The following CDH18 variants were observed in gnomAD, a reference collection of about 807,000 sequenced individuals.
The protein encoded by CDH18 is cadherin-18.
A neutral mutation model predicts 67.9 loss-of-function variants in CDH18; 31 were observed. The observed-to-expected ratio is 0.46, with a 90% CI of 0.34 to 0.62. The LOEUF is 0.62. CDH18 is among the 20% of genes least tolerant of loss of function. The pLI is 0.01. For synonymous variants in CDH18, 362 were observed against 347.2 expected, an observed-to-expected ratio of 1.04 and a Z score of -0.48; for missense variants, 890 against 975.5, an observed-to-expected ratio of 0.91 and a Z score of 1.17.
chr5:20,285,208 A>G (rs1746593804), intron 1 of CDH18, among the ~76,000 whole-genome samples: 1 of 151,232 alleles, frequency 6.6e-6, no homozygotes, highest in Admixed American at 6.6e-5. Context: ...TTGCAATTAT[A>G]CTCTTTTTCA....
At chr5:20,238,942 C>CTTTTGATAGATACATGCT (rs1156362456) in intron 2 of CDH18, among the ~76,000 whole-genome samples, 24 of 152,170 alleles carry the variant, frequency 1.6e-4, no homozygotes, top group African/African-American at 5.8e-4. Context: ...AATCTGTAAG[C>CTTTTGATAGATACATGCT]AACTCAAATA....
At chr5:20,435,732 G>GT (rs1486435867) in intron 1 of CDH18, among the ~76,000 whole-genome samples, 11 of 151,896 alleles carry the variant, frequency 7.2e-5, no homozygotes, top group Admixed American at 7.2e-4. Context: ...CACCAGGAGT[G>GT]TAAGTCCAGA....
chr5:20,480,509 C>A (rs143916918), intron 1 of CDH18, among the ~76,000 whole-genome samples: 2 of 152,166 alleles, frequency 1.3e-5, no homozygotes, highest in African/African-American at 4.8e-5. Flanking sequence ...CCTGTGCCTC[C>A]CAGGTTCAAG....
intron 1 of CDH18, among the ~76,000 whole-genome samples, chr5:20,386,322 C>A (rs957840278): frequency 2.0e-5 from 3 of 152,162 alleles, no homozygotes; most frequent in South Asian, 2.1e-4. Context: ...ATTGGTAAAT[C>A]TCTCCAAATT....
At chr5:20,127,901 T>C (rs13182778) in intron 2 of CDH18, among the ~76,000 whole-genome samples, 57,037 of 152,020 alleles carry the variant, frequency 0.38, 12,859 homozygotes, top group Middle Eastern at 0.63. Flanking sequence ...ATTATTGTTA[T>C]TACTAAGTTT....
chr5:20,368,170 G>A (rs1033690928), intron 1 of CDH18, among the ~76,000 whole-genome samples: 3 of 152,154 alleles, frequency 2.0e-5, no homozygotes, highest in African/African-American at 7.2e-5. Context: ...TGAGTATTAT[G>A]TATCCAGAAA....
intron 2 of CDH18, among the ~76,000 whole-genome samples, chr5:20,164,171 T>A (rs958291469): frequency 6.6e-6 from 1 of 152,178 alleles, no homozygotes; most frequent in Admixed American, 6.5e-5. Flanking sequence ...ACAGAAACAT[T>A]CCAGTGAGAA....
At chr5:19,616,643 A>C (rs1749886328) in intron 5 of CDH18, among the ~76,000 whole-genome samples, 1 of 152,184 alleles carries the variant, frequency 6.6e-6, no homozygotes, top group Admixed American at 6.5e-5. Context: ...GTCCCCAGAA[A>C]TTTTGATTTA....
intron 3 of CDH18, among the ~76,000 whole-genome samples, chr5:19,754,110 A>G (rs1187630994): frequency 6.6e-6 from 1 of 152,140 alleles, no homozygotes; most frequent in Admixed American, 6.6e-5. Context: ...AAACCCCCAA[A>G]AAACCAAGAT....
chr5:20,202,112 T>C (rs1279559278), intron 2 of CDH18, among the ~76,000 whole-genome samples: 2 of 152,192 alleles, frequency 1.3e-5, no homozygotes, highest in African/African-American at 4.8e-5. Context: ...TCTAATTATA[T>C]ATGCTTCTGG....
intron 1 of CDH18, among the ~76,000 whole-genome samples, chr5:20,356,719 GTCTCTC>G (rs199599355): frequency 0.024 from 3,172 of 129,918 alleles, 51 homozygotes; most frequent in Non-Finnish European, 0.029. Context: ...ATATACCAAG[GTCTCTC>G]TCTCTCTCTC....
rs1318320616 is a variant in CDH18, at chr5:20,376,107, T to TTTTTTTTTTTTTTTTTTTG, written c.-579-120603_-579-120602insCAAAAAAAAAAAAAAAAAA. On this transcript the variant is annotated intron_variant, in intron 1 of 14. Coordinates refer to the CDH18 transcript ENST00000507958. ...AAAGAAACAATTTTTTTTTTTTTTT[T>TTTTTTTTTTTTTTTTTTTG]TTTTGAGACGGAGTCTCCCTCTGTC... is the stretch of plus-strand genomic sequence containing the variant. 2.7e-5 allele frequency among the ~76,000 whole-genome samples: 3 copies of TTTTTTTTTTTTTTTTTTTG among 112,902 alleles called. 1 individual carries two copies. The highest frequency in any genetic ancestry group is 9.2e-5 in the African/African-American group (3 of 32,562). 74.1% of individuals were successfully genotyped at this position (112,902 alleles called of 152,430 possible). A position where few individuals can be genotyped will look rare whatever the true frequency, so the allele number is the denominator to read the frequency against.
intron 1 of CDH18, among the ~76,000 whole-genome samples, chr5:20,417,300 G>T (rs1013562345): frequency 6.6e-6 from 1 of 152,068 alleles, no homozygotes. Flanking sequence ...GGCAACAATG[G>T]TAATATTGTT....
At chr5:19,734,860 G>A (rs1223232646) in intron 4 of CDH18, among the ~76,000 whole-genome samples, 1 of 152,048 alleles carries the variant, frequency 6.6e-6, no homozygotes, top group African/African-American at 2.4e-5. Flanking sequence ...ACATGTCAAG[G>A]GGTGATATAT....
At chr5:20,012,372 C>CAAAAA (rs374226366) in intron 2 of CDH18, among the ~76,000 whole-genome samples, 1 of 116,056 alleles carries the variant, frequency 8.6e-6, no homozygotes, top group Non-Finnish European at 1.7e-5. Context: ...TTATCTTGTT[C>CAAAAA]AAAAAAAAAA....
chr5:20,377,397 A>C (rs1444034477), intron 1 of CDH18, among the ~76,000 whole-genome samples: 2 of 152,218 alleles, frequency 1.3e-5, no homozygotes, highest in Non-Finnish European at 2.9e-5. Context: ...CAAGAGAATC[A>C]TCATTGTTTG....
At chr5:19,579,906 C>A (rs887342276) in intron 7 of CDH18, among the ~76,000 whole-genome samples, 2 of 151,570 alleles carry the variant, frequency 1.3e-5, no homozygotes, top group African/African-American at 4.8e-5. Context: ...CCACCCCCCC[C>A]AAAGAAATAT....
At chr5:20,419,743 C>T (rs1452649344) in intron 1 of CDH18, among the ~76,000 whole-genome samples, 1 of 150,876 alleles carries the variant, frequency 6.6e-6, no homozygotes, top group Non-Finnish European at 1.5e-5. Context: ...TCCCAAAGTT[C>T]TGGGATTACA....
intron 2 of CDH18, among the ~76,000 whole-genome samples, chr5:19,976,345 TGAG>T (rs1220153917): frequency 1.3e-5 from 2 of 152,054 alleles, no homozygotes; most frequent in South Asian, 2.1e-4. Context: ...AAAAAAGAGT[TGAG>T]GGGAAAAACA....
Sources: gnomAD v4.1 joint callset for allele counts (sites outside exome capture counted in the v4.1 genomes callset) on GRCh38, gnomAD v4.1.1 for gene constraint, MANE v1.5 for transcripts, NCBI Gene and HGNC (gene_info 2026-07-23, HGNC 2026-07-21) for gene names.